Variants in CCL26 observed in about 807,000 individuals in gnomAD.
CCL26 encodes the protein C-C motif chemokine 26.
A neutral mutation model predicts 10.7 loss-of-function variants in CCL26; 10 were observed. The observed-to-expected ratio is 0.93, with a 90% CI of 0.57 to 1.58. CCL26 has a LOEUF of 1.58. CCL26 is among the 40% of genes most tolerant of loss of function. The pLI, the probability that CCL26 is intolerant of heterozygous loss-of-function variation, is 0.00. For synonymous variants in CCL26, 43 were observed against 41.4 expected (o/e 1.04, Z -0.15); for missense variants, 116 against 111.0 (o/e 1.05, Z -0.20).
At chr7:75,783,369 G>A (rs1455841634) in intron 1 of CCL26, among the ~76,000 whole-genome samples, 1 of 152,138 alleles carries the variant, frequency 6.6e-6, no homozygotes, top group African/African-American at 2.4e-5. Context: ...GAAGTTATTA[G>A]AGCAGTTCCC....
chr7:75,785,723 T>A (rs1216111633), intron 1 of CCL26, among the ~76,000 whole-genome samples: 1 of 152,110 alleles, frequency 6.6e-6, no homozygotes, highest in South Asian at 2.1e-4. Context: ...ACCCTATCGA[T>A]CCTAAATCCT....
intron 1 of CCL26, among the ~76,000 whole-genome samples, chr7:75,781,534 A>C (rs1470420507): frequency 6.6e-6 from 1 of 152,122 alleles, no homozygotes; most frequent in Admixed American, 6.5e-5. Context: ...TGTCTAACTC[A>C]CTGTCAGGGC....
At chr7:75,778,353 C>G (rs1802985796) in intron 1 of CCL26, among the ~76,000 whole-genome samples, 1 of 151,342 alleles carries the variant, frequency 6.6e-6, no homozygotes, top group Non-Finnish European at 1.5e-5. Flanking sequence ...TCCTGAGTAG[C>G]TGGGACTACA....
chr7:75,773,308 C>T (rs1320438572), upstream of CCL26, among the ~76,000 whole-genome samples: 2 of 151,980 alleles, frequency 1.3e-5, no homozygotes, highest in African/African-American at 4.8e-5. Flanking sequence ...CCTGTAATCC[C>T]AGCTACTAGG....
chr7:75,773,480 T>C (rs1012035824), upstream of CCL26, among the ~76,000 whole-genome samples: 1 of 151,972 alleles, frequency 6.6e-6, no homozygotes, highest in Non-Finnish European at 1.5e-5. Flanking sequence ...GGTCTTAAAC[T>C]CTTGGCTCAA....
rs1802837213 is a variant in CCL26, at chr7:75,772,130, A to G, written c.47T>C (p.Leu16Pro). 1 of 1,562,980 alleles carries G rather than the reference A, an allele frequency of 6.4e-7. No individual in the cohort carries two copies. Residue 16 changes from leucine to proline, a missense_variant, in exon 1 of 3, where the codon CTG becomes CCG. Physicochemically the swap from Leu to Pro is moderately conservative, Grantham distance 98 (BLOSUM62 -3). Transcript: ENST00000005180. The part of the protein sequence containing the change: ...LASAVLLASL[L>P]SLHLGTATRG... ...TGTGGCAGTTCCAAGGTGGAGACTC[A>G]GGAGGGAGGCCAGGAGCACAGCAGA...
Position 75,769,569 on chromosome 7 carries a change from G to T in CCL26, c.*124C>A, listed in dbSNP as rs1442631630. 1.3e-5 allele frequency: 8 copies of T among 594,822 alleles called. No homozygotes were observed. The East Asian group carries it at 2.2e-4, about 17-fold the overall frequency. The allele number at this position is 594,822 out of a possible 1,614,324, so 36.8% of individuals were successfully genotyped here. On this transcript the variant is annotated 3_prime_UTR_variant, in exon 3 of 3. Coordinates refer to ENST00000005180, the MANE Select transcript of CCL26 (RefSeq NM_001371938.1). ...AACAACCTTTATTAAAGTAACTCTG[G>T]GAGGAAACACCCTCTCCTCCCCAGC...
upstream of CCL26, among the ~76,000 whole-genome samples, chr7:75,773,253 GT>G (rs1554528368): frequency 6.6e-6 from 1 of 151,852 alleles, no homozygotes; most frequent in East Asian, 1.9e-4. Context: ...GTGAAACCCC[GT>G]CCCCACTAGA....
chr7:75,784,483 C>G (rs113309748), intron 1 of CCL26, among the ~76,000 whole-genome samples: 27 of 152,242 alleles, frequency 1.8e-4, no homozygotes, highest in African/African-American at 6.0e-4. Flanking sequence ...GTAAGTCGTC[C>G]CCTTCTTAAT....
intron 2 of CCL26, among the ~76,000 whole-genome samples, 162 bp from the exon 3 acceptor site, chr7:75,769,951 C>G (rs534992360): frequency 1.3e-5 from 2 of 152,144 alleles, no homozygotes; most frequent in Non-Finnish European, 2.9e-5. Context: ...TGTCTCCCTC[C>G]TCTTTCCTAT....
chr7:75,776,803 G>A (rs62475532), upstream of CCL26, among the ~76,000 whole-genome samples: 37,777 of 151,974 alleles, frequency 0.25, 5,118 homozygotes, highest in South Asian at 0.4. Context: ...AACATCAAAC[G>A]TTAGTGAGGA....
At chr7:75,775,703 A>G (rs1213168589), upstream of CCL26, among the ~76,000 whole-genome samples, 3 of 152,174 alleles carry the variant, frequency 2.0e-5, no homozygotes, top group Non-Finnish European at 4.4e-5. Context: ...GGCCCTCAGG[A>G]AGAGTCCCCA....
At position 75,769,688 on chromosome 7, in the gene CCL26, C is replaced by T; in HGVS notation, c.*5G>A. On this transcript the variant is annotated 3_prime_UTR_variant, in exon 3 of 3. Coordinates refer to ENST00000005180, the MANE Select transcript of CCL26 (RefSeq NM_001371938.1). The stretch of plus-strand genomic sequence containing the variant: ...CAAGCGTCCTCGGATGAAAATTCAG[C>T]TGAGTCACAATTGTTTCGGAGTTTT... The T allele has an allele frequency of 6.3e-7, 1 of 1,594,676 alleles. No homozygotes were observed. The highest frequency in any genetic ancestry group is 8.6e-7 in the Non-Finnish European group (1 of 1,162,310).
chr7:75,772,394 T>C (rs1028322395), upstream of CCL26: 5 of 553,392 alleles, frequency 9.0e-6, no homozygotes, highest in Non-Finnish European at 1.6e-5. Context: ...TGGTGGCTCA[T>C]GCCTGTGATC....
At chr7:75,786,666 GC>G (rs1563340756) in intron 1 of CCL26, among the ~76,000 whole-genome samples, 2 of 152,176 alleles carry the variant, frequency 1.3e-5, no homozygotes, top group Non-Finnish European at 2.9e-5. Context: ...TGATAAGGTA[GC>G]TTTTAAAGAA....
At chr7:75,778,213 G>T (rs1042540395) in intron 1 of CCL26, among the ~76,000 whole-genome samples, 1 of 151,776 alleles carries the variant, frequency 6.6e-6, no homozygotes, top group Non-Finnish European at 1.5e-5. Flanking sequence ...CTTATCATTT[G>T]TCCTTTTTAA....
At chr7:75,788,888 G>A (rs1339008266) in intron 1 of CCL26, among the ~76,000 whole-genome samples, 2 of 151,776 alleles carry the variant, frequency 1.3e-5, no homozygotes, top group African/African-American at 2.4e-5. Context: ...AATTCTTTGA[G>A]TTGTACTCTT....
At chr7:75,774,532 C>T (rs574544922), upstream of CCL26, among the ~76,000 whole-genome samples, 24 of 152,092 alleles carry the variant, frequency 1.6e-4, no homozygotes, top group South Asian at 4.2e-4. Context: ...CTGCAGCCTC[C>T]ACCTCCTGGG....
At chr7:75,787,330 C>T (rs782239018) in intron 1 of CCL26, among the ~76,000 whole-genome samples, 2 of 152,030 alleles carry the variant, frequency 1.3e-5, no homozygotes, top group Admixed American at 6.6e-5. Flanking sequence ...AAAGGTAAAA[C>T]GGACTAATGG....
Sources: gnomAD v4.1 joint callset for allele counts (sites outside exome capture counted in the v4.1 genomes callset) on GRCh38, gnomAD v4.1.1 for gene constraint, MANE v1.5 for transcripts, NCBI Gene and HGNC (gene_info 2026-07-23, HGNC 2026-07-21) for gene names.